The following SPAG17 variants were observed in gnomAD, a reference collection of about 807,000 sequenced individuals.
SPAG17 encodes sperm associated antigen 17.
SPAG17 carries 169 observed loss-of-function variants against 273.6 expected under a neutral mutation model. The ratio of observed to expected loss-of-function variants is 0.62; its 90% CI spans 0.55 to 0.70. SPAG17 has a LOEUF of 0.70. Ranked by LOEUF, SPAG17 falls within the 30% of genes least tolerant of loss-of-function variation. SPAG17 has a pLI of 0.00. For synonymous variants in SPAG17, 825 were observed against 873.2 expected, an observed-to-expected ratio of 0.94 and a Z score of 0.97; for missense variants, 2,557 against 2,627.8, an observed-to-expected ratio of 0.97 and a Z score of 0.59.
In SPAG17 at chr1:118,005,360, A is replaced by G; in HGVS notation, c.4776+54T>C. On this transcript the variant is annotated intron_variant, in intron 32 of 48. Transcript: ENST00000336338. ...CTACATGGAAGCTTTGTAGTGTGAA[A>G]TATCTCAAAAGCAAAGCCACAGGCT... is the stretch of plus-strand genomic sequence containing the variant. 2.8e-6 allele frequency: 4 copies of G among 1,427,300 alleles called. No individual in the cohort carries two copies. In the South Asian group the frequency reaches 6.4e-5, roughly 23 times the overall value. The allele number at this position is 1,427,300 out of a possible 1,614,324, so 88.4% of individuals were successfully genotyped here. A position where few individuals can be genotyped will look rare whatever the true frequency, so the allele number is the denominator to read the frequency against.
intron 15 of SPAG17, among the ~76,000 whole-genome samples, chr1:118,078,946 T>C (rs1313866261): frequency 6.6e-6 from 1 of 152,086 alleles, no homozygotes; most frequent in African/African-American, 2.4e-5. Flanking sequence ...ATTTAGTATA[T>C]GTTAGATCAG....
intron 41 of SPAG17, 30 bp downstream of exon 41, chr1:117,984,653 A>C: frequency 7.3e-7 from 1 of 1,374,922 alleles, no homozygotes; most frequent in Non-Finnish European, 1.0e-6. Context: ...AAAAACTTTT[A>C]TTAGATTATA....
At chr1:118,165,001 C>T (rs549290695) in intron 1 of SPAG17, among the ~76,000 whole-genome samples, 1 of 152,318 alleles carries the variant, frequency 6.6e-6, no homozygotes, top group Admixed American at 6.5e-5. Flanking sequence ...AGAATGCCCT[C>T]CTTCCAGGTC....
At chr1:118,025,494 C>CT in intron 26 of SPAG17, 78 bp from the exon 27 acceptor site, 1 of 1,119,498 alleles carries the variant, frequency 8.9e-7, no homozygotes, top group Non-Finnish European at 1.2e-6. Flanking sequence ...TAATTATTTT[C>CT]TTTTTCTTTT....
intron 48 of SPAG17, chr1:117,954,455 G>T: frequency 1.1e-6 from 1 of 872,266 alleles, no homozygotes; most frequent in Non-Finnish European, 1.8e-6. Flanking sequence ...TTTACACTCT[G>T]TCAGTTTTTT....
chr1:117,955,126 T>C, intron 48 of SPAG17: 1 of 478,842 alleles, frequency 2.1e-6, no homozygotes, highest in South Asian at 4.5e-5. Context: ...GTAGCATAGT[T>C]GGTAAGGGGC....
chr1:118,173,175 T>C (rs1240149089), intron 1 of SPAG17, among the ~76,000 whole-genome samples: 1 of 151,452 alleles, frequency 6.6e-6, no homozygotes, highest in African/African-American at 2.4e-5. Context: ...ATAGGAGTTA[T>C]GAAATCAGTT....
At chr1:118,135,760 A>C (rs1376205903) in intron 3 of SPAG17, among the ~76,000 whole-genome samples, 1 of 152,206 alleles carries the variant, frequency 6.6e-6, no homozygotes. Flanking sequence ...GGCACAGTGC[A>C]ACTGGAAATT....
At chr1:118,150,873 C>A (rs1004654059) in intron 2 of SPAG17, among the ~76,000 whole-genome samples, 1 of 152,140 alleles carries the variant, frequency 6.6e-6, no homozygotes, top group Non-Finnish European at 1.5e-5. Flanking sequence ...AGCTATGATT[C>A]TCTGTAGCCT....
At chr1:117,989,282 G>A in intron 38 of SPAG17, among the ~76,000 whole-genome samples, 1 of 152,174 alleles carries the variant, frequency 6.6e-6, no homozygotes, top group Non-Finnish European at 1.5e-5. Context: ...GGCTGTGCAA[G>A]AAGCATGGTG....
rs112905378 is a variant in SPAG17 at position 117,991,554 on chromosome 1, G to A, written c.5362-26C>T. On this transcript the variant is annotated intron_variant, in intron 36 of 48. Transcript: ENST00000336338. The stretch of plus-strand genomic sequence containing the variant: ...CTAAATCAGCAGAATAAAATACATA[G>A]ACAAAAACTAGGAATTAGGAAGAGA... 27 of 1,393,270 alleles carry A rather than the reference G, an allele frequency of 1.9e-5. No individual in the cohort carries two copies. In the East Asian group the frequency reaches 6.3e-4, roughly 32 times the overall value. The allele number at this position is 1,393,270 out of a possible 1,614,324, so 86.3% of individuals were successfully genotyped here. A position where few individuals can be genotyped will look rare whatever the true frequency, so the allele number is the denominator to read the frequency against.
At chr1:117,991,608 AT>A in intron 36 of SPAG17, 80 bp from the exon 37 acceptor site, 2 of 830,058 alleles carry the variant, frequency 2.4e-6, no homozygotes, top group East Asian at 2.7e-5. Context: ...TCAACTTGAA[AT>A]ATTACAAAAA....
chr1:118,016,172 G>A lies in SPAG17; in HGVS notation c.4080C>T (p.His1360=). The change falls in exon 29 of 49, where the codon CAC becomes CAT. Residue 1360 remains histidine, a synonymous_variant. Transcript: ENST00000336338. ...EITNTKKGKS[H]KSQSSMAHKG... ...TATGGGCCATTGATGACTGACTTTT[G>A]TGACTTTTTCCTGTGAAGTTCAAGT... 1.9e-6 allele frequency: 3 copies of A among 1,612,614 alleles called. No homozygotes were observed. The highest frequency in any genetic ancestry group is 1.3e-5 in the African/African-American group (1 of 75,016).
chr1:118,151,709 G>C (rs1463013162), intron 1 of SPAG17, among the ~76,000 whole-genome samples: 1 of 152,256 alleles, frequency 6.6e-6, no homozygotes, highest in East Asian at 1.9e-4. Context: ...TATACATTAA[G>C]ATGTCTCAAA....
chr1:117,970,309 A>G (rs1288861627), intron 45 of SPAG17, among the ~76,000 whole-genome samples, 193 bp from the exon 46 acceptor site: 1 of 152,232 alleles, frequency 6.6e-6, no homozygotes, highest in Non-Finnish European at 1.5e-5. Flanking sequence ...CTGCCTTTCC[A>G]ACAGTTTTCA....
chr1:118,169,433 A>G (rs1047674145), intron 1 of SPAG17, among the ~76,000 whole-genome samples: 4 of 152,210 alleles, frequency 2.6e-5, no homozygotes, highest in African/African-American at 9.6e-5. Context: ...AATTCCAGAA[A>G]TCTGCTTGCT....
chr1:118,010,814 A>G (rs983737755), intron 30 of SPAG17, among the ~76,000 whole-genome samples: 4 of 152,202 alleles, frequency 2.6e-5, no homozygotes, highest in African/African-American at 9.6e-5. Flanking sequence ...CAAACTATGC[A>G]TCTGACAAAG....
At chr1:118,081,703 G>A in intron 13 of SPAG17, 61 bp from the exon 14 acceptor site, 2 of 1,366,108 alleles carry the variant, frequency 1.5e-6, no homozygotes, top group Non-Finnish European at 2.1e-6. Flanking sequence ...GTACAGGGTT[G>A]ACAGAGGGAT....
intron 48 of SPAG17, among the ~76,000 whole-genome samples, chr1:117,957,788 A>G (rs1023157310): frequency 6.6e-6 from 1 of 152,174 alleles, no homozygotes; most frequent in Non-Finnish European, 1.5e-5. Flanking sequence ...AGCCAAAAGG[A>G]TGGACATTCC....
Sources: allele counts gnomAD v4.1 joint callset (sites outside exome capture counted in the v4.1 genomes callset), GRCh38; gene constraint gnomAD v4.1.1; transcripts MANE v1.5; gene names NCBI Gene and HGNC (gene_info 2026-07-23, HGNC 2026-07-21).